The following CRELD1 variants were observed in gnomAD, a reference collection of about 807,000 sequenced individuals.
CRELD1 encodes CRELD disulfide isomerase 1, also known as protein disulfide isomerase CRELD1.
Under a neutral mutation model 58.2 loss-of-function variants are expected in CRELD1, and 42 were observed. That is an observed-to-expected ratio of 0.72 (90% CI 0.56 to 0.93). CRELD1 has a LOEUF of 0.93. Among genes scored for constraint, CRELD1 ranks in the 40% least tolerant of loss-of-function variants. The pLI, the probability that CRELD1 is intolerant of heterozygous loss-of-function variation, is 0.00. For synonymous variants in CRELD1, 222 were observed against 202.0 expected (o/e 1.10, Z -0.84); for missense variants, 500 against 540.6 (o/e 0.92, Z 0.74).
rs1445528211 is a variant in CRELD1, at chr3:9,937,656, A to G, written c.352A>G (p.Ser118Gly). The G allele has an allele frequency of 1.2e-6, 2 of 1,607,814 alleles. No homozygotes were observed. The highest frequency in any genetic ancestry group is 1.7e-6 in the Non-Finnish European group (2 of 1,177,790). Residue 118 changes from serine (S) to glycine (G), a missense_variant, in exon 4 of 11, where the codon AGC becomes GGC. By Grantham distance (56) the Ser-to-Gly change is moderately conservative. Coordinates refer to ENST00000452070, the MANE Select transcript of CRELD1 (RefSeq NM_001077415.3). ...LLELSEELVE[S>G]WWFHKQQEAP... is the part of the protein sequence containing the mutation. ...GGAGCTGAGTGAGGAGCTGGTGGAG[A>G]GCTGGTGGTTTCACAAGTGAGTGGC...
At position 9,934,552 on chromosome 3, in the gene CRELD1, TC is replaced by T. The variant is rs755273029; in HGVS notation, c.119del (p.Pro40ArgfsTer52). 6.2e-6 allele frequency: 10 copies of T among 1,613,384 alleles called. No individual in the cohort carries two copies. The highest frequency in any genetic ancestry group is 8.5e-6 in the Non-Finnish European group (10 of 1,179,782). Reference protein sequence around the residue: ...LQPSPPPQSSPPPQPHPCHTC... With the variant: ...LQPSPPPQSSXPPQPHPCHTC... ...AGCCCTCTCCACCTCCCCAGTCTTC[TC>T]CCCCGCCTCAGCCCCATCCGTGTCA... is the stretch of plus-strand genomic sequence containing the variant. On this transcript the variant is annotated frameshift_variant, in exon 2 of 11. Coordinates refer to ENST00000452070, the MANE Select transcript of CRELD1 (RefSeq NM_001077415.3). LOFTEE classifies it high-confidence loss of function.
At chr3:9,939,968 C>T (rs1237883390) in intron 5 of CRELD1, among the ~76,000 whole-genome samples, 2 of 151,332 alleles carry the variant, frequency 1.3e-5, no homozygotes, top group Non-Finnish European at 2.9e-5. Flanking sequence ...GGGGCTGACC[C>T]CCTCACCTCC....
At position 9,945,335 on chromosome 3, in the gene CRELD1, A is replaced by G. The variant is rs1260808802; in HGVS notation, c.*756A>G. The G allele has an allele frequency of 6.5e-6, 1 of 154,864 alleles. No homozygotes were observed. The highest frequency in any genetic ancestry group is 1.9e-4 in the East Asian group (1 of 5,226). 9.6% of individuals were successfully genotyped at this position (154,864 alleles called of 1,614,324 possible). ...ACATGAGAATTAAATGAGGTGACAA[A>G]TGTGAAGACCTGGACAGTACACAAC... is the stretch of plus-strand genomic sequence containing the variant. On this transcript the variant is annotated 3_prime_UTR_variant, in exon 11 of 11. Transcript: ENST00000452070.
At chr3:9,941,668 T>C (rs1465419713) in intron 7 of CRELD1, among the ~76,000 whole-genome samples, 4 of 151,438 alleles carry the variant, frequency 2.6e-5, no homozygotes, top group African/African-American at 7.3e-5. Context: ...CGGGTGCCTG[T>C]AGTCCCAGCT....
intron 3 of CRELD1, among the ~76,000 whole-genome samples, chr3:9,936,486 T>C (rs2085196616): frequency 6.6e-6 from 1 of 151,968 alleles, no homozygotes; most frequent in Non-Finnish European, 1.5e-5. Context: ...TGTGTGTATA[T>C]ATATATGTGT....
chr3:9,943,042 C>T (rs1240512389), intron 8 of CRELD1, 35 bp from the exon 9 acceptor site: 3 of 1,599,316 alleles, frequency 1.9e-6, no homozygotes, highest in Non-Finnish European at 2.6e-6. Context: ...GGCCTAGGTG[C>T]ACATCTCACC....
At chr3:9,934,218 G>A (rs1461705302) in intron 1 of CRELD1, 3 of 586,196 alleles carry the variant, frequency 5.1e-6, no homozygotes, top group South Asian at 2.0e-5. Flanking sequence ...CCATGCTAGC[G>A]AGGATAACTT....
At chr3:9,943,340 G>C (rs367972424) in intron 9 of CRELD1, 41 bp from the exon 10 acceptor site, 6 of 1,613,566 alleles carry the variant, frequency 3.7e-6, no homozygotes, top group Admixed American at 1.7e-5. Context: ...GGTGCTGGGT[G>C]GGGGGCCCTA....
intron 5 of CRELD1, 43 bp from the exon 6 acceptor site, chr3:9,940,807 A>G (rs73814309): frequency 3.8e-6 from 6 of 1,567,488 alleles, no homozygotes; most frequent in Non-Finnish European, 5.2e-6. Context: ...TTGTATATCA[A>G]GGTTGTATAG....
intron 1 of CRELD1, 57 bp downstream of exon 1, chr3:9,933,977 T>A (rs1308183134): frequency 3.0e-6 from 1 of 329,194 alleles, no homozygotes; most frequent in East Asian, 7.4e-5. Context: ...TGCGAGGCCC[T>A]GAATCTGATC....
intron 7 of CRELD1, among the ~76,000 whole-genome samples, 173 bp from the exon 8 acceptor site, chr3:9,942,640 G>A (rs2085400350): frequency 6.6e-6 from 1 of 152,226 alleles, no homozygotes; most frequent in African/African-American, 2.4e-5. Flanking sequence ...GTTGGCAAAT[G>A]TGGTCTCTGG....
At chr3:9,939,248 GACAAAATATTATGTCATTA>G (rs1174913622) in intron 5 of CRELD1, among the ~76,000 whole-genome samples, 1 of 152,114 alleles carries the variant, frequency 6.6e-6, no homozygotes, top group Non-Finnish European at 1.5e-5. Context: ...TCAGTTTTAT[GACAAAATATTATGTCATTA>G]AAATTAATTT....
chr3:9,934,273 C>T, intron 1 of CRELD1, 147 bp from the exon 2 acceptor site: 1 of 638,842 alleles, frequency 1.6e-6, no homozygotes, highest in African/African-American at 1.8e-5. Context: ...CCCCACCCAT[C>T]CCCACAGCCC....
At position 9,944,576 on chromosome 3, in the gene CRELD1, A is replaced by G. The variant is rs1229985503; in HGVS notation, c.1260A>G (p.Arg420=). 6.2e-7 allele frequency: 1 copy of G among 1,602,434 alleles called. No individual in the cohort carries two copies. The highest frequency in any genetic ancestry group is 1.3e-5 in the African/African-American group (1 of 74,786). Reference sequence around the variant, plus strand: ...TGCTGGAGGGCTTCATCAAGGGCAGATAATCGCGGCCACCACCTGTAGGAC... The same window carrying G: ...TGCTGGAGGGCTTCATCAAGGGCAGGTAATCGCGGCCACCACCTGTAGGAC... ...DRVLEGFIKG[R] is the part of the protein sequence containing the mutation. The change falls in exon 11 of 11, where the codon AGA becomes AGG. Residue 420 remains arginine, a synonymous_variant. Coordinates refer to ENST00000452070, the MANE Select transcript of CRELD1 (RefSeq NM_001077415.3).
chr3:9,940,947 C>T lies in CRELD1; in HGVS notation c.558C>T (p.Gly186=), dbSNP rs2085349263. The T allele has an allele frequency of 6.2e-7, 1 of 1,614,148 alleles. No individual in the cohort carries two copies. Among genetic ancestry groups the T allele is most frequent in the Admixed American group, 1.7e-5 (1 of 60,024 alleles). ...GGSGHCDCQA[G]YGGEACGQCG... The stretch of plus-strand genomic sequence containing the variant: ...GCGGGCACTGTGACTGCCAAGCCGG[C>T]TACGGGGGTGAGGCCTGTGGCCAGT... The change falls in exon 6 of 11, where the codon GGC becomes GGT. Residue 186 remains glycine, a synonymous_variant. Transcript: ENST00000452070.
chr3:9,941,055 C>T (rs1235439974), intron 6 of CRELD1, 29 bp downstream of exon 6: 27 of 1,614,046 alleles, frequency 1.7e-5, no homozygotes, highest in Non-Finnish European at 2.0e-5. Context: ...TGGCACTGGG[C>T]AGGGGCAGAT....
intron 3 of CRELD1, among the ~76,000 whole-genome samples, chr3:9,935,444 ACT>A (rs964970541): frequency 6.6e-6 from 1 of 152,102 alleles, no homozygotes; most frequent in African/African-American, 2.4e-5. Context: ...AAAAAGTGAT[ACT>A]GTCTTCTCTA....
intron 1 of CRELD1, 30 bp from the exon 2 acceptor site, chr3:9,934,390 G>T: frequency 6.5e-7 from 1 of 1,548,640 alleles, no homozygotes. Context: ...GACTCCTTCA[G>T]TGAAGCCTCT....
At chr3:9,938,159 T>A in intron 5 of CRELD1, 53 bp downstream of exon 5, 1 of 1,369,600 alleles carries the variant, frequency 7.3e-7, no homozygotes, top group Non-Finnish European at 1.0e-6. Context: ...AGTCCAGGGA[T>A]CCAGTCCTGG....
Sources: allele counts gnomAD v4.1 joint callset (sites outside exome capture counted in the v4.1 genomes callset), GRCh38; gene constraint gnomAD v4.1.1; transcripts MANE v1.5; gene names NCBI Gene and HGNC (gene_info 2026-07-23, HGNC 2026-07-21).